Variants in DGKB observed in about 807,000 individuals in gnomAD.
DGKB encodes the protein diacylglycerol kinase beta.
Under a neutral mutation model 114.3 loss-of-function variants are expected in DGKB, and 67 were observed. That is an observed-to-expected ratio of 0.59 (90% CI 0.48 to 0.72). DGKB has a LOEUF of 0.72. Ranked by LOEUF, DGKB falls within the 30% of genes least tolerant of loss-of-function variation. The probability of loss-of-function intolerance (pLI) is 0.00; values close to 1 mark genes in which losing one functional copy is unlikely to be tolerated. For synonymous variants in DGKB, 398 were observed against 323.1 expected (o/e 1.23, Z -2.49); for missense variants, 907 against 975.2 (o/e 0.93, Z 0.93).
chr7:14,547,416 A>T (rs1261631556), intron 20 of DGKB, among the ~76,000 whole-genome samples: 2 of 152,220 alleles, frequency 1.3e-5, no homozygotes, highest in African/African-American at 4.8e-5. Context: ...ATATGACTAA[A>T]GTATTAAGAT....
At chr7:14,611,816 A>G (rs1378980915) in intron 16 of DGKB, among the ~76,000 whole-genome samples, 2 of 151,838 alleles carry the variant, frequency 1.3e-5, no homozygotes, top group Non-Finnish European at 2.9e-5. Context: ...TCTTAATTGG[A>G]GAAAAATTAT....
At chr7:14,813,233 T>C (rs565590115) in intron 2 of DGKB, among the ~76,000 whole-genome samples, 120 of 152,150 alleles carry the variant, frequency 7.9e-4, no homozygotes, top group African/African-American at 2.7e-3. Flanking sequence ...TATTTGCAAG[T>C]CTTAGAAAAA....
intron 23 of DGKB, among the ~76,000 whole-genome samples, chr7:14,184,674 C>T (rs1021322131): frequency 1.3e-5 from 2 of 151,946 alleles, no homozygotes; most frequent in Non-Finnish European, 2.9e-5. Flanking sequence ...CTGCCCTCCT[C>T]CTGATTGTCT....
intron 1 of DGKB, among the ~76,000 whole-genome samples, chr7:14,882,408 G>T (rs1236165524): frequency 2.0e-5 from 3 of 151,862 alleles, no homozygotes; most frequent in Non-Finnish European, 2.9e-5. Context: ...ATTGTTTTTT[G>T]TTTGTTTGTT....
intron 23 of DGKB, among the ~76,000 whole-genome samples, chr7:14,314,635 A>G (rs1391635250): frequency 6.6e-6 from 1 of 152,182 alleles, no homozygotes; most frequent in Non-Finnish European, 1.5e-5. Flanking sequence ...GACTATGTGA[A>G]AAGACCAAAT....
intron 2 of DGKB, among the ~76,000 whole-genome samples, chr7:14,828,586 T>C (rs888961023): frequency 1.3e-5 from 2 of 152,022 alleles, no homozygotes. Context: ...TAGTACATAC[T>C]AGTAAATTAT....
chr7:14,581,262 A>C (rs1158087434), intron 18 of DGKB, among the ~76,000 whole-genome samples: 2 of 152,214 alleles, frequency 1.3e-5, no homozygotes, highest in Non-Finnish European at 2.9e-5. Flanking sequence ...TACAATCCTC[A>C]GGGATATTAT....
chr7:14,587,890 G>A (rs1159190197), intron 17 of DGKB, among the ~76,000 whole-genome samples: 2 of 152,042 alleles, frequency 1.3e-5, no homozygotes, highest in African/African-American at 2.4e-5. Flanking sequence ...TATGTACTGG[G>A]AAACGAAAAA....
intron 4 of DGKB, among the ~76,000 whole-genome samples, chr7:14,747,775 G>GCGCGCGCACACACACACACACA: frequency 1.3e-5 from 2 of 149,178 alleles, no homozygotes; most frequent in African/African-American, 5.1e-5. Flanking sequence ...ACATCCACGC[G>GCGCGCGCACACACACACACACA]CACGCACACA....
intron 17 of DGKB, among the ~76,000 whole-genome samples, chr7:14,600,675 T>C (rs1310913739): frequency 6.6e-6 from 1 of 151,660 alleles, no homozygotes; most frequent in Non-Finnish European, 1.5e-5. Flanking sequence ...AAGAAAGGAG[T>C]AACAAGTCCC....
At chr7:14,556,987 C>G (rs921554329) in intron 20 of DGKB, among the ~76,000 whole-genome samples, 1 of 152,280 alleles carries the variant, frequency 6.6e-6, no homozygotes, top group African/African-American at 2.4e-5. Context: ...CCCCCTTTGG[C>G]TAACTGAAAG....
At chr7:14,531,515 T>C (rs754793065) in intron 20 of DGKB, among the ~76,000 whole-genome samples, 9 of 151,480 alleles carry the variant, frequency 5.9e-5, no homozygotes, top group Non-Finnish European at 1.5e-5. Flanking sequence ...AAACTTGCAT[T>C]ATAAGAACTA....
At chr7:14,726,053 T>C (rs1053012993) in intron 5 of DGKB, among the ~76,000 whole-genome samples, 1 of 152,174 alleles carries the variant, frequency 6.6e-6, no homozygotes, top group African/African-American at 2.4e-5. Flanking sequence ...ATTTTACATC[T>C]AAGAAAACAG....
chr7:14,910,942 A>G (rs1783971241), intron 1 of DGKB, among the ~76,000 whole-genome samples: 1 of 152,130 alleles, frequency 6.6e-6, no homozygotes, highest in African/African-American at 2.4e-5. Flanking sequence ...TTAAACTCCA[A>G]ATTCAAGCTT....
chr7:14,778,993 T>G (rs1387372274), intron 2 of DGKB, among the ~76,000 whole-genome samples: 1 of 151,992 alleles, frequency 6.6e-6, no homozygotes, highest in African/African-American at 2.4e-5. Context: ...CCACCTCTAC[T>G]AAAACTACAC....
intron 20 of DGKB, among the ~76,000 whole-genome samples, chr7:14,530,432 G>C (rs1791388316): frequency 6.6e-6 from 1 of 151,390 alleles, no homozygotes. Context: ...CTGTATGGAA[G>C]TATGATTGAC....
chr7:14,701,904 AGTT>A (rs1825258761), intron 6 of DGKB, among the ~76,000 whole-genome samples, 174 bp from the exon 7 acceptor site: 1 of 122,204 alleles, frequency 8.2e-6, no homozygotes, highest in Non-Finnish European at 1.9e-5. Flanking sequence ...TGAATTAATT[AGTT>A]AATAGAAATA....
At chr7:14,330,018 A>G (rs1809446835) in intron 23 of DGKB, among the ~76,000 whole-genome samples, 1 of 152,026 alleles carries the variant, frequency 6.6e-6, no homozygotes, top group Admixed American at 6.6e-5. Context: ...TTTACCACTG[A>G]TATCAGATAT....
At chr7:14,200,111 A>G (rs7784686) in intron 23 of DGKB, among the ~76,000 whole-genome samples, 150,673 of 152,168 alleles carry the variant, frequency 0.99, 74,606 homozygotes, top group East Asian at 1. Context: ...AATTGAGCAC[A>G]AGGATTCACC....
Sources: allele counts gnomAD v4.1 joint callset (sites outside exome capture counted in the v4.1 genomes callset), GRCh38; gene constraint gnomAD v4.1.1; transcripts MANE v1.5; gene names NCBI Gene and HGNC (gene_info 2026-07-23, HGNC 2026-07-21).